The following CTNNA2 variants were observed in gnomAD, a reference collection of about 807,000 sequenced individuals.
CTNNA2 encodes the protein catenin alpha 2, also known as catenin alpha-2.
Under a neutral mutation model 101.0 loss-of-function variants are expected in CTNNA2, and 42 were observed. That is an observed-to-expected ratio of 0.42 (90% CI 0.32 to 0.54). CTNNA2 has a LOEUF of 0.54. Ranked by LOEUF, CTNNA2 falls within the 20% of genes least tolerant of loss-of-function variation. The pLI is 0.14. For synonymous variants in CTNNA2, 450 were observed against 456.4 expected (o/e 0.99, Z 0.18); for missense variants, 871 against 1,223.1 (o/e 0.71, Z 4.29).
At chr2:79,627,604 A>ATATCATGG (rs1230933092) in intron 1 of CTNNA2, among the ~76,000 whole-genome samples, 2 of 152,234 alleles carry the variant, frequency 1.3e-5, no homozygotes, top group Admixed American at 1.3e-4. Flanking sequence ...CTCCCGTGTA[A>ATATCATGG]TATCATGGTA....
At chr2:79,908,962 C>T (rs998367002) in intron 6 of CTNNA2, among the ~76,000 whole-genome samples, 1 of 152,192 alleles carries the variant, frequency 6.6e-6, no homozygotes, top group Non-Finnish European at 1.5e-5. Flanking sequence ...CTATTTTCCT[C>T]TTATATAGGC....
intron 7 of CTNNA2, among the ~76,000 whole-genome samples, chr2:80,160,328 C>G (rs1008667965): frequency 6.6e-6 from 1 of 152,132 alleles, no homozygotes; most frequent in South Asian, 2.1e-4. Context: ...GTTATTTATA[C>G]GTACAAAAGT....
chr2:79,360,884 A>G (rs1336642332), intron 3 of CTNNA2, among the ~76,000 whole-genome samples: 1 of 152,204 alleles, frequency 6.6e-6, no homozygotes, highest in Non-Finnish European at 1.5e-5. Context: ...TTGAGTAAAT[A>G]AATAGCAGTC....
chr2:79,515,861 AC>A (rs1298333604), intron 1 of CTNNA2, among the ~76,000 whole-genome samples: 1 of 152,104 alleles, frequency 6.6e-6, no homozygotes. Flanking sequence ...GATCTTATGG[AC>A]CCCTGTAAAA....
At chr2:79,575,456 A>G (rs1675733298) in intron 1 of CTNNA2, 1 of 151,848 alleles carries the variant, frequency 6.6e-6, no homozygotes, top group South Asian at 2.1e-4. Context: ...TTTTTTCTCT[A>G]CTGGCATCCT....
At chr2:79,779,268 C>T (rs1674243708) in intron 3 of CTNNA2, among the ~76,000 whole-genome samples, 1 of 152,122 alleles carries the variant, frequency 6.6e-6, no homozygotes, top group African/African-American at 2.4e-5. Context: ...TAGATTGAAG[C>T]CTCCTGGAGT....
intron 9 of CTNNA2, among the ~76,000 whole-genome samples, chr2:80,483,334 T>A (rs7601941): frequency 1.3e-5 from 2 of 149,546 alleles, no homozygotes; most frequent in African/African-American, 4.9e-5. Flanking sequence ...TGATTTGCAG[T>A]CTCTTTTTGT....
intron 2 of CTNNA2, among the ~76,000 whole-genome samples, chr2:79,263,996 GC>G (rs753485850): frequency 3.9e-5 from 6 of 152,186 alleles, no homozygotes; most frequent in Admixed American, 6.5e-5. Context: ...TCAACATTTT[GC>G]CACTTAAGAA....
In CTNNA2 at chr2:79,828,739, A is replaced by G. The variant is rs190453642; in HGVS notation, c.299-29274A>G. On this transcript the variant is annotated intron_variant, in intron 3 of 18. Transcript: ENST00000402739. ...TGCCACATATTAGCTCTGGTTTTCA[A>G]TGCATGCTTCTTCAACTAACAACAT... Among the ~76,000 whole-genome samples, 108 of 152,362 alleles carry G rather than the reference A, an allele frequency of 7.1e-4. 1 individual carries two copies. Among genetic ancestry groups the G allele is most frequent in the South Asian group, 1.0e-3 (5 of 4,834 alleles).
At chr2:79,750,998 C>T (rs2105028253) in intron 3 of CTNNA2, among the ~76,000 whole-genome samples, 1 of 152,056 alleles carries the variant, frequency 6.6e-6, no homozygotes, top group East Asian at 1.9e-4. Context: ...TCTGCAGGTA[C>T]ACAGGAATAT....
At chr2:79,831,743 CA>C (rs1425032508) in intron 3 of CTNNA2, among the ~76,000 whole-genome samples, 2 of 114,478 alleles carry the variant, frequency 1.7e-5, no homozygotes, top group African/African-American at 8.0e-5. Flanking sequence ...TGAGAGTACA[CA>C]TTTTTTTTTT....
At chr2:80,526,037 TAAAA>T (rs947006216) in intron 9 of CTNNA2, among the ~76,000 whole-genome samples, 3 of 152,130 alleles carry the variant, frequency 2.0e-5, no homozygotes, top group East Asian at 1.9e-4. Flanking sequence ...ATCTGAAAAA[TAAAA>T]AAATCTGTTT....
chr2:80,571,624 C>T (rs537623730), intron 12 of CTNNA2, among the ~76,000 whole-genome samples: 8 of 152,168 alleles, frequency 5.3e-5, no homozygotes, highest in Non-Finnish European at 1.2e-4. Flanking sequence ...TTTTCACAAA[C>T]GATGTTTCTT....
chr2:79,228,711 C>CT (rs1674452842), intron 2 of CTNNA2, among the ~76,000 whole-genome samples: 1 of 150,886 alleles, frequency 6.6e-6, no homozygotes, highest in Non-Finnish European at 1.5e-5. Context: ...TCTGTTTACT[C>CT]TGTTGATGCT....
intron 2 of CTNNA2, among the ~76,000 whole-genome samples, chr2:79,292,028 G>A (rs1201553930): frequency 6.6e-6 from 1 of 152,114 alleles, no homozygotes; most frequent in Non-Finnish European, 1.5e-5. Context: ...TGTGGGGGTG[G>A]TTGATTGGCT....
rs144339556 is a variant in CTNNA2, at chr2:80,041,046, A to C, written c.1056+131249A>C. 1.1e-4 allele frequency among the ~76,000 whole-genome samples: 17 copies of C among 152,186 alleles called. 1 individual carries two copies. The East Asian group carries it at 3.3e-3, about 29-fold the overall frequency. On this transcript the variant is annotated intron_variant, in intron 7 of 18. Coordinates refer to ENST00000402739, the MANE Select transcript of CTNNA2 (RefSeq NM_001282597.3). ...TAGATTTTGGTTTATCCACAGCTAAAGATCTCCACAATATTTTATAAAATG... is the reference window on the plus strand; with the variant it reads ...TAGATTTTGGTTTATCCACAGCTAACGATCTCCACAATATTTTATAAAATG...
intron 7 of CTNNA2, among the ~76,000 whole-genome samples, chr2:80,205,963 A>G (rs757853612): frequency 5.3e-5 from 8 of 152,244 alleles, no homozygotes; most frequent in Non-Finnish European, 1.2e-4. Context: ...AGCACTTTAT[A>G]TAGATCATCA....
rs34625586 is a variant in CTNNA2 at position 80,245,794 on chromosome 2, CTTTTTTT to C, written c.1057-147394_1057-147388del. On this transcript the variant is annotated intron_variant, in intron 7 of 18. Coordinates refer to ENST00000402739, the MANE Select transcript of CTNNA2 (RefSeq NM_001282597.3). ...ATTTAAAACTGTGATTATGATTTAA[CTTTTTTT>C]TTTTTTTTTTTTTTTTTTTTTTGCA... 3.8e-3 allele frequency among the ~76,000 whole-genome samples: 224 copies of C among 58,944 alleles called. 1 individual carries two copies. Among genetic ancestry groups the C allele is most frequent in the African/African-American group, 0.017 (213 of 12,270 alleles). 38.7% of individuals were successfully genotyped at this position (58,944 alleles called of 152,430 possible). A position where few individuals can be genotyped will look rare whatever the true frequency, so the allele number is the denominator to read the frequency against.
intron 7 of CTNNA2, among the ~76,000 whole-genome samples, chr2:80,250,943 C>T (rs1288242837): frequency 6.6e-6 from 1 of 152,142 alleles, no homozygotes; most frequent in Admixed American, 6.6e-5. Flanking sequence ...ACAAATACTT[C>T]AAGGGGAAAA....
Sources: gnomAD v4.1 joint callset for allele counts (sites outside exome capture counted in the v4.1 genomes callset) on GRCh38, gnomAD v4.1.1 for gene constraint, MANE v1.5 for transcripts, NCBI Gene and HGNC (gene_info 2026-07-23, HGNC 2026-07-21) for gene names.